Variants in HIBCH observed in about 807,000 individuals in gnomAD.
The protein encoded by HIBCH is 3-hydroxyisobutyryl-CoA hydrolase.
In HIBCH, 50 loss-of-function variants were observed where a neutral mutation model predicts 58.2. The ratio of observed to expected loss-of-function variants is 0.86; its 90% CI spans 0.68 to 1.09. HIBCH has a LOEUF of 1.09. Among genes scored for constraint, HIBCH ranks in the 50% least tolerant of loss-of-function variants. The probability of loss-of-function intolerance (pLI) is 0.00; values close to 1 mark genes in which losing one functional copy is unlikely to be tolerated. For synonymous variants in HIBCH, 151 were observed against 146.9 expected (o/e 1.03, Z -0.20); for missense variants, 450 against 449.7 (o/e 1.00, Z -0.01).
In HIBCH at chr2:190,210,527, T is replaced by TG. The variant is rs1690492888; in HGVS notation, c.1012-1615dup. 7.2e-5 allele frequency among the ~76,000 whole-genome samples: 11 copies of TG among 152,268 alleles called. No homozygotes were observed. The South Asian group carries it at 2.3e-3, about 32-fold the overall frequency. ...TCAGTGCTCAACATAGCAGCCTGAG[T>TG]GATCAATTCTTTAAAGTATAAGATC... On this transcript the variant is annotated intron_variant, in intron 12 of 13. Transcript: ENST00000359678. This position sits in a 1 kb window ranked among gnomAD's most constrained non-coding sequence, Gnocchi z 5.5.
At chr2:190,200,367 C>G (rs1690193552), downstream of HIBCH, 1 of 515,784 alleles carries the variant, frequency 1.9e-6, no homozygotes, top group African/African-American at 1.9e-5. Flanking sequence ...ATCTGAAGGG[C>G]TGAACAGAGG....
Position 190,206,892 on chromosome 2 carries a change from G to A in HIBCH, c.1046-1660C>T, listed in dbSNP as rs1690403625. On this transcript the variant is annotated intron_variant, in intron 13 of 13. Coordinates refer to ENST00000359678, the MANE Select transcript of HIBCH (RefSeq NM_014362.4). The surrounding 1 kb of genome is among the most constrained non-coding windows in gnomAD (Gnocchi z 5.1). ...TATAATCCCAGCACTTTGGGAGGCTGAGGTAGGCGGATTACGAGGTCAGGA... is the reference window on the plus strand; with the variant it reads ...TATAATCCCAGCACTTTGGGAGGCTAAGGTAGGCGGATTACGAGGTCAGGA... Among the ~76,000 whole-genome samples, 1 of 152,086 alleles carries A rather than the reference G, an allele frequency of 6.6e-6. No individual in the cohort carries two copies. The highest frequency in any genetic ancestry group is 1.5e-5 in the Non-Finnish European group (1 of 68,006).
chr2:190,205,094 A>AT lies in HIBCH; in HGVS notation c.*22dup. The AT allele has an allele frequency of 7.3e-7, 1 of 1,378,610 alleles. No individual in the cohort carries two copies. Among genetic ancestry groups the AT allele is most frequent in the Non-Finnish European group, 1.0e-6 (1 of 969,230 alleles). The allele number at this position is 1,378,610 out of a possible 1,614,324, so 85.4% of individuals were successfully genotyped here. A position where few individuals can be genotyped will look rare whatever the true frequency, so the allele number is the denominator to read the frequency against. ...GTAGATTGCCAACCCATGCTACAAA[A>AT]TATACCTTAAAAGCCTGTCACCTCA... On this transcript the variant is annotated 3_prime_UTR_variant, in exon 14 of 14. Coordinates refer to ENST00000359678, the MANE Select transcript of HIBCH (RefSeq NM_014362.4).
chr2:190,270,413 T>C (rs1393480282), intron 6 of HIBCH, among the ~76,000 whole-genome samples: 1 of 151,914 alleles, frequency 6.6e-6, no homozygotes, highest in Non-Finnish European at 1.5e-5. Flanking sequence ...AAAAAGTAAA[T>C]ATTCCAAAGT....
rs760269523 is a variant in HIBCH, at chr2:190,243,876, G to A, written c.891+1011C>T. The stretch of plus-strand genomic sequence containing the variant: ...TCCCAGCTACTCAGGAGGCTGAGGT[G>A]TGAGGATTGCTTGAGCCTGGGAGGC... On this transcript the variant is annotated intron_variant, in intron 11 of 13. Coordinates refer to ENST00000359678, the MANE Select transcript of HIBCH (RefSeq NM_014362.4). The surrounding 1 kb of genome is among the most constrained non-coding windows in gnomAD (Gnocchi z 4.1). Among the ~76,000 whole-genome samples, 14 of 152,156 alleles carry A rather than the reference G, an allele frequency of 9.2e-5. No individual in the cohort carries two copies. Among genetic ancestry groups the A allele is most frequent in the Non-Finnish European group, 1.9e-4 (13 of 68,016 alleles).
At chr2:190,196,144 A>AC (rs1183400732) in intron 1 of HIBCH, among the ~76,000 whole-genome samples, 1 of 150,198 alleles carries the variant, frequency 6.7e-6, no homozygotes, top group Non-Finnish European at 1.5e-5. Context: ...TCCCTCCCCA[A>AC]CCCCCAATGT....
In HIBCH at chr2:190,212,639, A is replaced by G. The variant is rs370089614; in HGVS notation, c.1011+317T>C. On this transcript the variant is annotated intron_variant, in intron 12 of 13. Coordinates refer to ENST00000359678, the MANE Select transcript of HIBCH (RefSeq NM_014362.4). Reference sequence around the variant, plus strand: ...CCAATGAGGGAATTCACATTTACAGAGTTTATATGCCTTGCCCAAGGTCAC... The same window carrying G: ...CCAATGAGGGAATTCACATTTACAGGGTTTATATGCCTTGCCCAAGGTCAC... Among the ~76,000 whole-genome samples the G allele has an allele frequency of 2.6e-5, 4 of 152,324 alleles. No individual in the cohort carries two copies. In the East Asian group the frequency reaches 7.7e-4, roughly 29 times the overall value.
chr2:190,251,582 A>G, intron 8 of HIBCH: 2 of 439,844 alleles, frequency 4.5e-6, no homozygotes, highest in South Asian at 3.4e-5. Context: ...AATGGGGGGC[A>G]AAAGAGGCTA....
intron 7 of HIBCH, among the ~76,000 whole-genome samples, chr2:190,257,215 TAAGGAAGAGAG>T (rs1686951002): frequency 6.6e-6 from 1 of 151,778 alleles, no homozygotes; most frequent in Non-Finnish European, 1.5e-5. Flanking sequence ...GGAACAAAAA[TAAGGAAGAGAG>T]AAGACTTTCT....
intron 5 of HIBCH, among the ~76,000 whole-genome samples, chr2:190,290,158 C>G (rs940425434): frequency 1.3e-5 from 2 of 152,136 alleles, no homozygotes; most frequent in African/African-American, 4.8e-5. Flanking sequence ...GGATTACAGG[C>G]GTGAGCCACC....
chr2:190,230,798 T>G (rs145385596), intron 11 of HIBCH, among the ~76,000 whole-genome samples: 2 of 152,334 alleles, frequency 1.3e-5, no homozygotes, highest in East Asian at 3.8e-4. Context: ...TATATAAACT[T>G]TTCCAGAGAA....
intron 11 of HIBCH, among the ~76,000 whole-genome samples, chr2:190,224,560 G>A (rs899240195): frequency 6.6e-6 from 1 of 152,028 alleles, no homozygotes; most frequent in Non-Finnish European, 1.5e-5. Flanking sequence ...AATGGTAAAG[G>A]GATCAATTCA....
chr2:190,287,358 G>A (rs1013356335), intron 6 of HIBCH, among the ~76,000 whole-genome samples: 8 of 152,028 alleles, frequency 5.3e-5, no homozygotes, highest in South Asian at 2.1e-4. Flanking sequence ...CACCATGCCC[G>A]GCCATATAAC....
intron 3 of HIBCH, among the ~76,000 whole-genome samples, chr2:190,296,378 C>A (rs1214246528): frequency 6.6e-6 from 1 of 151,298 alleles, no homozygotes; most frequent in Non-Finnish European, 1.5e-5. Flanking sequence ...CGAGATGGTG[C>A]CACTGCACTC....
intron 7 of HIBCH, among the ~76,000 whole-genome samples, chr2:190,258,970 G>A (rs1053749423): frequency 2.6e-5 from 4 of 152,094 alleles, no homozygotes; most frequent in Non-Finnish European, 5.9e-5. Context: ...TTCTTTTCCA[G>A]TGGTCTACGT....
chr2:190,305,196 A>G (rs558960963), intron 2 of HIBCH, among the ~76,000 whole-genome samples: 65 of 152,308 alleles, frequency 4.3e-4, no homozygotes, highest in African/African-American at 1.5e-3. Flanking sequence ...GGAGGGGGGA[A>G]TCCTTTTAAG....
intron 4 of HIBCH, among the ~76,000 whole-genome samples, chr2:190,293,957 A>C (rs919432269): frequency 6.7e-6 from 1 of 150,038 alleles, no homozygotes; most frequent in African/African-American, 2.4e-5. Context: ...TTCTCTTTTT[A>C]TCTCAGCATG....
In HIBCH at chr2:190,243,180, A is replaced by T. The variant is rs563783438; in HGVS notation, c.891+1707T>A. Among the ~76,000 whole-genome samples, 5 of 152,338 alleles carry T rather than the reference A, an allele frequency of 3.3e-5. No homozygotes were observed. In the South Asian group the frequency reaches 1.0e-3, roughly 32 times the overall value. ...GATCCACCCTTAATCTGGTGGGCAC[A>T]AACTAATCAGCTGCCAGAGAATATA... On this transcript the variant is annotated intron_variant, in intron 11 of 13. Coordinates refer to ENST00000359678, the MANE Select transcript of HIBCH (RefSeq NM_014362.4). This position sits in a 1 kb window ranked among gnomAD's most constrained non-coding sequence, Gnocchi z 4.1.
rs757782216 is a variant in HIBCH at position 190,246,156 on chromosome 2, GTTTA to G, written c.803_806del (p.Ile268ThrfsTer25). The G allele has an allele frequency of 1.3e-6, 2 of 1,562,148 alleles. No homozygotes were observed. Among genetic ancestry groups the G allele is most frequent in the Non-Finnish European group, 1.8e-6 (2 of 1,133,720 alleles). On this transcript the variant is annotated frameshift_variant, in exon 10 of 14. Coordinates refer to ENST00000359678, the MANE Select transcript of HIBCH (RefSeq NM_014362.4). LOFTEE classifies it high-confidence loss of function. Reference sequence around the variant, plus strand: ...AACTGAGATCTCTTTTTAGGTACCTGTTTATTTTGTCCATGTGTTCCTCAAGTAT... The same window carrying G: ...AACTGAGATCTCTTTTTAGGTACCTGTTTTGTCCATGTGTTCCTCAAGTAT...
Sources: gnomAD v4.1 joint callset for allele counts (sites outside exome capture counted in the v4.1 genomes callset) on GRCh38, gnomAD v4.1.1 for gene constraint, Gnocchi (gnomAD v3.1) non-coding constraint, MANE v1.5 for transcripts, NCBI Gene and HGNC (gene_info 2026-07-23, HGNC 2026-07-21) for gene names.